The following CENPP variants were observed in gnomAD, a reference collection of about 807,000 sequenced individuals.
CENPP encodes the protein centromere protein P.
CENPP carries 24 observed loss-of-function variants against 35.6 expected under a neutral mutation model. The ratio of observed to expected loss-of-function variants is 0.67; its 90% CI spans 0.49 to 0.95. The LOEUF (loss-of-function observed/expected upper bound fraction) is 0.95. Ranked by LOEUF, CENPP falls within the 40% of genes least tolerant of loss-of-function variation. The pLI is 0.00. For synonymous variants in CENPP, 120 were observed against 125.5 expected (o/e 0.96, Z 0.29); for missense variants, 332 against 345.3 (o/e 0.96, Z 0.31).
intron 5 of CENPP, among the ~76,000 whole-genome samples, chr9:92,542,572 A>G (rs1849341153): frequency 6.6e-6 from 1 of 151,300 alleles, no homozygotes; most frequent in African/African-American, 2.4e-5. Flanking sequence ...GCTATAGTGC[A>G]GTGGCACGAT....
chr9:92,509,572 A>G (rs935512590), intron 5 of CENPP, among the ~76,000 whole-genome samples: 12 of 152,212 alleles, frequency 7.9e-5, no homozygotes. Context: ...CCATAACACA[A>G]AACACATGGC....
chr9:92,438,392 G>A (rs1441226746), intron 5 of CENPP, among the ~76,000 whole-genome samples: 4 of 152,138 alleles, frequency 2.6e-5, no homozygotes, highest in African/African-American at 9.7e-5. Flanking sequence ...AAATGTGCAG[G>A]TTTGTTTCTG....
intron 4 of CENPP, among the ~76,000 whole-genome samples, chr9:92,361,997 A>G (rs1390181005): frequency 2.6e-5 from 4 of 152,068 alleles, no homozygotes; most frequent in Non-Finnish European, 5.9e-5. Flanking sequence ...ACTGCACTCC[A>G]GCCTGGGTGA....
chr9:92,451,960 C>G (rs1336901764), intron 5 of CENPP, among the ~76,000 whole-genome samples: 1 of 151,668 alleles, frequency 6.6e-6, no homozygotes, highest in Admixed American at 6.6e-5. Context: ...TATCCTGAGA[C>G]TTTGCTGAAG....
intron 5 of CENPP, among the ~76,000 whole-genome samples, chr9:92,547,279 C>A (rs2131320206): frequency 6.6e-6 from 1 of 152,268 alleles, no homozygotes; most frequent in South Asian, 2.1e-4. Flanking sequence ...TACAAGAAAA[C>A]AACATGCTTC....
At chr9:92,556,305 A>G (rs1463389038) in intron 5 of CENPP, among the ~76,000 whole-genome samples, 2 of 152,182 alleles carry the variant, frequency 1.3e-5, no homozygotes, top group Admixed American at 6.5e-5. Flanking sequence ...TTTATGGCCT[A>G]TCATATGGTC....
At chr9:92,445,700 A>G (rs1352426032) in intron 5 of CENPP, among the ~76,000 whole-genome samples, 2 of 152,160 alleles carry the variant, frequency 1.3e-5, no homozygotes, top group Non-Finnish European at 2.9e-5. Flanking sequence ...CCTGGCCAAC[A>G]TGGTAAAACC....
At chr9:92,348,248 C>T (rs981666676) in intron 4 of CENPP, among the ~76,000 whole-genome samples, 4 of 151,812 alleles carry the variant, frequency 2.6e-5, no homozygotes, top group African/African-American at 9.7e-5. Flanking sequence ...CATGAGCCAC[C>T]GTGCCTGGCT....
intron 5 of CENPP, among the ~76,000 whole-genome samples, chr9:92,604,838 C>T (rs1054709059): frequency 6.6e-6 from 1 of 152,166 alleles, no homozygotes; most frequent in Non-Finnish European, 1.5e-5. Flanking sequence ...AGGTGATCCA[C>T]CCACCTCAGC....
Position 92,618,904 on chromosome 9 carries a change from C to T in CENPP, c.*5755C>T, listed in dbSNP as rs1349077666. The T allele has an allele frequency of 1.9e-5, 6 of 309,272 alleles. No individual in the cohort carries two copies. Among genetic ancestry groups the T allele is most frequent in the East Asian group, 1.7e-4 (2 of 11,896 alleles). 19.2% of individuals were successfully genotyped at this position (309,272 alleles called of 1,614,324 possible). On this transcript the variant is annotated 3_prime_UTR_variant, in exon 8 of 8. Transcript: ENST00000375587. ...TGCAGGGTTTAGCACCCCTGAAGATCGGTGATGGAGATGCTGTCTAACGAC... is the reference window on the plus strand; with the variant it reads ...TGCAGGGTTTAGCACCCCTGAAGATTGGTGATGGAGATGCTGTCTAACGAC...
At chr9:92,388,054 G>A (rs904904921) in intron 5 of CENPP, among the ~76,000 whole-genome samples, 1 of 152,054 alleles carries the variant, frequency 6.6e-6, no homozygotes, top group South Asian at 2.1e-4. Flanking sequence ...ATGAGCCACC[G>A]TGCCTGGCCA....
At chr9:92,600,564 G>C (rs1850886045) in intron 5 of CENPP, 2 of 1,611,406 alleles carry the variant, frequency 1.2e-6, no homozygotes, top group Non-Finnish European at 1.7e-6. Flanking sequence ...GAGAATGTTT[G>C]GCACAAGCCC....
At position 92,567,403 on chromosome 9, in the gene CENPP, T is replaced by TATATAGATAGATAGATAGATAGATAG. The variant is rs1554688343; in HGVS notation, c.565-43906_565-43905insGATAGATAGATAGATAGATAGATATA. 2.2e-5 allele frequency among the ~76,000 whole-genome samples: 3 copies of TATATAGATAGATAGATAGATAGATAG among 138,674 alleles called. No individual in the cohort carries two copies. The East Asian group carries it at 6.2e-4, about 29-fold the overall frequency. The allele number at this position is 138,674 out of a possible 152,430, so 91.0% of individuals were successfully genotyped here. On this transcript the variant is annotated intron_variant, in intron 5 of 7. Coordinates refer to ENST00000375587, the MANE Select transcript of CENPP (RefSeq NM_001012267.3). ...ATATATATATATATATATAGATATA[T>TATATAGATAGATAGATAGATAGATAG]ATATAAAGTGGTTAGTGATTAGATT...
chr9:92,558,342 G>A (rs1170625333), intron 5 of CENPP, among the ~76,000 whole-genome samples: 3 of 152,186 alleles, frequency 2.0e-5, no homozygotes, highest in Non-Finnish European at 4.4e-5. Flanking sequence ...TTCCCTTGAT[G>A]TAGTACTCTC....
intron 4 of CENPP, among the ~76,000 whole-genome samples, chr9:92,350,134 C>G (rs574108862): frequency 3.7e-4 from 56 of 152,136 alleles, no homozygotes; most frequent in Non-Finnish European, 6.6e-4. Context: ...ATTTTGGAAT[C>G]TTTATCCTAA....
At chr9:92,531,256 A>G (rs956658280) in intron 5 of CENPP, among the ~76,000 whole-genome samples, 1 of 152,030 alleles carries the variant, frequency 6.6e-6, no homozygotes. Flanking sequence ...ATTAGTAATT[A>G]TACACTTTTT....
rs866947714 is a variant in CENPP at position 92,552,196 on chromosome 9, C to T, written c.565-59118C>T. On this transcript the variant is annotated intron_variant, in intron 5 of 7. Transcript: ENST00000375587. The stretch of plus-strand genomic sequence containing the variant: ...ATATGATAGATCTATCATATACACA[C>T]ACACACACACACACACACACCCCAC... Among the ~76,000 whole-genome samples, 381 of 144,912 alleles carry T rather than the reference C, an allele frequency of 2.6e-3. 13 individuals carry two copies. The highest frequency in any genetic ancestry group is 9.1e-3 in the African/African-American group (354 of 38,954).
intron 5 of CENPP, among the ~76,000 whole-genome samples, chr9:92,406,630 T>C (rs72752458): frequency 0.031 from 4,673 of 152,258 alleles, 112 homozygotes; most frequent in South Asian, 0.084. Context: ...GCATTTGAAG[T>C]GCATCTGGCA....
intron 5 of CENPP, among the ~76,000 whole-genome samples, chr9:92,543,835 T>C (rs1349783557): frequency 1.3e-5 from 2 of 152,202 alleles, no homozygotes; most frequent in Non-Finnish European, 2.9e-5. Flanking sequence ...TTCTTTTTCA[T>C]GTAGTTTAGT....
Sources: allele counts gnomAD v4.1 joint callset (sites outside exome capture counted in the v4.1 genomes callset), GRCh38; gene constraint gnomAD v4.1.1; transcripts MANE v1.5; gene names NCBI Gene and HGNC (gene_info 2026-07-23, HGNC 2026-07-21).